SPAG17: variants seen among roughly 807,000 people sequenced by gnomAD.
SPAG17 encodes sperm associated antigen 17, also known as sperm-associated antigen 17.
SPAG17 carries 169 observed loss-of-function variants against 273.6 expected under a neutral mutation model. The ratio of observed to expected loss-of-function variants is 0.62; its 90% CI spans 0.55 to 0.70. The LOEUF (loss-of-function observed/expected upper bound fraction) is 0.70. Ranked by LOEUF, SPAG17 falls within the 30% of genes least tolerant of loss-of-function variation. SPAG17 has a pLI of 0.00. For synonymous variants in SPAG17, 825 were observed against 873.2 expected, an observed-to-expected ratio of 0.94 and a Z score of 0.97; for missense variants, 2,557 against 2,627.8, an observed-to-expected ratio of 0.97 and a Z score of 0.59.
rs752445251 is a variant in SPAG17, at chr1:117,987,905, T to C, written c.5622-24A>G. ...GTCTATGTGAAAGGAAAGGAAAGTATGGTGAAAAGGGGCAATGATTTCAGC... is the reference window on the plus strand; with the variant it reads ...GTCTATGTGAAAGGAAAGGAAAGTACGGTGAAAAGGGGCAATGATTTCAGC... On this transcript the variant is annotated intron_variant, in intron 39 of 48. Coordinates refer to ENST00000336338, the MANE Select transcript of SPAG17 (RefSeq NM_206996.4). 6.8e-6 allele frequency: 11 copies of C among 1,613,116 alleles called. No individual in the cohort carries two copies. The African/African-American group carries it at 8.0e-5, about 12-fold the overall frequency.
intron 27 of SPAG17, among the ~76,000 whole-genome samples, chr1:118,024,228 A>AT (rs1035479632): frequency 6.0e-5 from 9 of 151,216 alleles, no homozygotes; most frequent in African/African-American, 1.9e-4. Flanking sequence ...CATTCTTACT[A>AT]TTTTTTTCTT....
At chr1:118,160,434 G>C (rs542854196) in intron 1 of SPAG17, among the ~76,000 whole-genome samples, 234 of 152,276 alleles carry the variant, frequency 1.5e-3, no homozygotes, top group Non-Finnish European at 2.4e-3. Context: ...TGGCACTAGG[G>C]CTACCCAGAA....
chr1:118,037,412 T>C (rs181108588), intron 23 of SPAG17, among the ~76,000 whole-genome samples: 2 of 152,290 alleles, frequency 1.3e-5, no homozygotes, highest in Admixed American at 1.3e-4. Context: ...GTAAATTGCA[T>C]GTCACTGGGG....
At chr1:117,972,746 TGATGAA>T (rs1174222767) in intron 44 of SPAG17, among the ~76,000 whole-genome samples, 1 of 151,132 alleles carries the variant, frequency 6.6e-6, no homozygotes, top group African/African-American at 2.4e-5. Flanking sequence ...ATAAATTTTG[TGATGAA>T]GATGAACACA....
intron 1 of SPAG17, among the ~76,000 whole-genome samples, chr1:118,183,841 T>C (rs1661056719): frequency 6.6e-6 from 1 of 152,196 alleles, no homozygotes; most frequent in South Asian, 2.1e-4. Context: ...AAAATTATTT[T>C]GGCTAGCGCT....
In SPAG17 at chr1:118,089,354, T is replaced by TGTGTGTGA. The variant is rs1207965049; in HGVS notation, c.1359+2251_1359+2252insTCACACAC. Among the ~76,000 whole-genome samples, 7 of 150,626 alleles carry TGTGTGTGA rather than the reference T, an allele frequency of 4.6e-5. No homozygotes were observed. The South Asian group carries it at 8.5e-4, about 18-fold the overall frequency. ...TGACGTGTGTGTGTGTGTGTGTGTGTGGTGGCAGGTAGGAGGTGAGATGAC... is the reference window on the plus strand; with the variant it reads ...TGACGTGTGTGTGTGTGTGTGTGTGTGTGTGTGAGGTGGCAGGTAGGAGGTGAGATGAC... On this transcript the variant is annotated intron_variant, in intron 10 of 48. Coordinates refer to ENST00000336338, the MANE Select transcript of SPAG17 (RefSeq NM_206996.4).
chr1:118,097,040 G>C (rs1228260124), intron 7 of SPAG17, among the ~76,000 whole-genome samples: 1 of 152,042 alleles, frequency 6.6e-6, no homozygotes, highest in Non-Finnish European at 1.5e-5. Context: ...TTCGAGACCA[G>C]CCTGGCCAAC....
At chr1:118,157,181 G>A (rs150621425) in intron 1 of SPAG17, among the ~76,000 whole-genome samples, 267 of 152,270 alleles carry the variant, frequency 1.8e-3, no homozygotes, top group African/African-American at 4.9e-3. Context: ...GCATATCACA[G>A]CTGCCATCCC....
At chr1:118,087,528 G>T (rs1196620861) in intron 10 of SPAG17, among the ~76,000 whole-genome samples, 2 of 152,144 alleles carry the variant, frequency 1.3e-5, no homozygotes, top group Non-Finnish European at 2.9e-5. Context: ...AAAGCTCAAG[G>T]ATATTGAGTG....
In SPAG17 at chr1:117,953,916, T is replaced by C; in HGVS notation, c.*134A>G. On this transcript the variant is annotated 3_prime_UTR_variant, in exon 49 of 49. Transcript: ENST00000336338. ...ATTAAACAGATTGAAGCTATTTCAT[T>C]TGGCAAATTTCTGGTCAGTTCTTCC... 1 of 1,055,220 alleles carries C rather than the reference T, an allele frequency of 9.5e-7. No individual in the cohort carries two copies. The highest frequency in any genetic ancestry group is 1.4e-6 in the Non-Finnish European group (1 of 714,766). 65.4% of individuals were successfully genotyped at this position (1,055,220 alleles called of 1,614,324 possible).
chr1:118,143,752 G>A (rs2102328340), intron 3 of SPAG17, among the ~76,000 whole-genome samples: 1 of 152,254 alleles, frequency 6.6e-6, no homozygotes, highest in South Asian at 2.1e-4. Flanking sequence ...GGTGTCTGTA[G>A]AGTATAGGGT....
At chr1:118,117,302 A>G (rs1657147767) in intron 3 of SPAG17, among the ~76,000 whole-genome samples, 1 of 152,048 alleles carries the variant, frequency 6.6e-6, no homozygotes, top group African/African-American at 2.4e-5. Flanking sequence ...CAGGATATTC[A>G]CCTATGTCTG....
At chr1:117,974,312 C>G (rs1654896908) in intron 43 of SPAG17, among the ~76,000 whole-genome samples, 1 of 152,052 alleles carries the variant, frequency 6.6e-6, no homozygotes, top group African/African-American at 2.4e-5. Flanking sequence ...ACATACATGA[C>G]CTAATACTGG....
At chr1:117,969,878 T>A (rs1654350659) in intron 46 of SPAG17, among the ~76,000 whole-genome samples, 178 bp downstream of exon 46, 1 of 152,218 alleles carries the variant, frequency 6.6e-6, no homozygotes, top group African/African-American at 2.4e-5. Context: ...ATGAATGCCA[T>A]CAAGCCACAT....
chr1:117,965,848 C>CTA (rs2101438124), intron 47 of SPAG17: 1 of 152,322 alleles, frequency 6.6e-6, no homozygotes. Flanking sequence ...TACTTTCCCA[C>CTA]TATATTCCTA....
In SPAG17 at chr1:117,959,353, G is replaced by A. The variant is rs137952009; in HGVS notation, c.*4446C>T. 459 of 1,613,816 alleles carry A rather than the reference G, an allele frequency of 2.8e-4. No homozygotes were observed. Among genetic ancestry groups the A allele is most frequent in the Non-Finnish European group, 3.7e-4 (432 of 1,179,920 alleles). ...CTCAAGAGGGAATGCGAGGCAAAAA[G>A]TGAAGTTATGTTTTTTGCTGATGCT... On this transcript the variant is annotated intron_variant, in intron 48 of 48. Transcript: ENST00000336338.
Position 118,099,804 on chromosome 1 carries a change from T to C in SPAG17, c.635-4A>G, listed in dbSNP as rs778194672. ...GCACCATCATCTGGCTCATCGTCTGTTCAAAATACCATAAAGAAGAGCAGC... is the reference window on the plus strand; with the variant it reads ...GCACCATCATCTGGCTCATCGTCTGCTCAAAATACCATAAAGAAGAGCAGC... On this transcript the variant is annotated splice_polypyrimidine_tract_variant and splice_region_variant and intron_variant, in intron 5 of 48. Coordinates refer to ENST00000336338, the MANE Select transcript of SPAG17 (RefSeq NM_206996.4). The C allele has an allele frequency of 1.9e-6, 3 of 1,610,208 alleles. No individual in the cohort carries two copies. Among genetic ancestry groups the C allele is most frequent in the East Asian group, 4.5e-5 (2 of 44,834 alleles).
intron 20 of SPAG17, among the ~76,000 whole-genome samples, chr1:118,046,382 A>G (rs532263057): frequency 6.6e-6 from 1 of 152,120 alleles, no homozygotes; most frequent in Non-Finnish European, 1.5e-5. Context: ...TGAAACAATT[A>G]CAATGATAAT....
rs1656286810 is a variant in SPAG17, at chr1:118,104,816, T to A, written c.448-2890A>T. ...AGGGCAGTATCAATAGAGAAACCAC[T>A]TTTATGGACAACTGTTTCTGGAAGT... On this transcript the variant is annotated intron_variant, in intron 4 of 48. Transcript: ENST00000336338. Among the ~76,000 whole-genome samples the A allele has an allele frequency of 1.3e-5, 2 of 152,122 alleles. 1 individual carries two copies. Among genetic ancestry groups the A allele is most frequent in the South Asian group, 4.1e-4 (2 of 4,820 alleles).
Sources: gnomAD v4.1 joint callset for allele counts (sites outside exome capture counted in the v4.1 genomes callset) on GRCh38, gnomAD v4.1.1 for gene constraint, MANE v1.5 for transcripts, NCBI Gene and HGNC (gene_info 2026-07-23, HGNC 2026-07-21) for gene names.